The following ZNF75D variants were observed in gnomAD, a reference collection of about 807,000 sequenced individuals.
ZNF75D encodes zinc finger protein 75.
Under a neutral mutation model 33.3 loss-of-function variants are expected in ZNF75D, and 33 were observed. The observed-to-expected ratio is 0.99, with a 90% confidence interval of 0.75 to 1.32. The LOEUF is 1.32. Ranked by LOEUF, ZNF75D falls within the 40% of genes most tolerant of loss-of-function variation. ZNF75D has a pLI of 0.00. For synonymous variants in ZNF75D, 113 were observed against 130.6 expected (o/e 0.87, Z 0.92); for missense variants, 338 against 367.5 (o/e 0.92, Z 0.66).
intron 6 of ZNF75D, among the ~76,000 whole-genome samples, chrX:135,290,714 G>A: frequency 8.9e-6 from 1 of 112,568 alleles, no homozygotes; most frequent in South Asian, 3.6e-4. Context: ...GTGGAATAAT[G>A]CCATTGATGT....
chrX:135,299,746 C>G (rs1442341702), intron 1 of ZNF75D, among the ~76,000 whole-genome samples: 2 of 112,351 alleles, frequency 1.8e-5, no homozygotes, highest in Non-Finnish European at 1.9e-5. Flanking sequence ...ATAATGTTAG[C>G]CCCTAATTTA....
chrX:135,322,527 G>T (rs181600356), intron 1 of ZNF75D, among the ~76,000 whole-genome samples: 17 of 112,161 alleles, frequency 1.5e-4, no homozygotes, highest in Admixed American at 3.8e-4. Context: ...TATTTATAGA[G>T]AGATAGATAG....
chrX:135,257,900 T>A (rs370328425), intron 1 of ZNF75D, among the ~76,000 whole-genome samples: 1 of 110,352 alleles, frequency 9.1e-6, no homozygotes, highest in Non-Finnish European at 1.9e-5. Context: ...CCATGCTGGT[T>A]TGCTGCACCC....
At chrX:135,313,208 A>G (rs1260023861) in intron 1 of ZNF75D, among the ~76,000 whole-genome samples, 1 of 111,604 alleles carries the variant, frequency 9.0e-6, no homozygotes, top group African/African-American at 3.3e-5. Context: ...TACTGCACAT[A>G]TGGATATCCA....
At chrX:135,260,122 C>G (rs781943194) in intron 1 of ZNF75D, among the ~76,000 whole-genome samples, 61 of 112,077 alleles carry the variant, frequency 5.4e-4, no homozygotes, top group African/African-American at 2.0e-3. Context: ...GTTGAACCAG[C>G]CTTGCATCCC....
At chrX:135,298,753 C>A (rs1303119532) in intron 1 of ZNF75D, among the ~76,000 whole-genome samples, 1 of 111,494 alleles carries the variant, frequency 9.0e-6, no homozygotes, top group Non-Finnish European at 1.9e-5. Context: ...TTGAACCATG[C>A]AGCTTTAACT....
intron 1 of ZNF75D, among the ~76,000 whole-genome samples, chrX:135,258,128 C>A (rs2083816381): frequency 9.7e-6 from 1 of 102,642 alleles, no homozygotes; most frequent in African/African-American, 3.3e-5. Flanking sequence ...CATGTCCCTA[C>A]AAAGGACATG....
rs1459496308 is a variant in ZNF75D, at chrX:135,324,021, ACACG to A, written c.-391+17743_-391+17746del. Among the ~76,000 whole-genome samples the A allele has an allele frequency of 4.5e-3, 491 of 108,727 alleles. 6 individuals carry two copies. Among genetic ancestry groups the A allele is most frequent in the African/African-American group, 0.016 (473 of 28,941 alleles). 94.4% of individuals were successfully genotyped at this position (108,727 alleles called of 115,157 possible). On this transcript the variant is annotated intron_variant, in intron 1 of 6. Coordinates refer to ENST00000370766, the MANE Select transcript of ZNF75D (RefSeq NM_007131.5). The stretch of plus-strand genomic sequence containing the variant: ...CACACACACACACACACACACACAC[ACACG>A]CACACCCAAAGAAGGTTTTTAAGAG...
intron 1 of ZNF75D, among the ~76,000 whole-genome samples, chrX:135,261,892 C>A (rs6638340): frequency 1.8e-5 from 2 of 111,881 alleles, no homozygotes; most frequent in African/African-American, 6.5e-5. Flanking sequence ...TTCATAGCAT[C>A]GATGGTCTTT....
intron 1 of ZNF75D, among the ~76,000 whole-genome samples, chrX:135,259,085 G>C (rs1556415043): frequency 8.9e-6 from 1 of 111,814 alleles, no homozygotes; most frequent in East Asian, 2.8e-4. Flanking sequence ...TGTCAGGTTT[G>C]TCAAAGATCA....
At chrX:135,324,932 G>C in intron 1 of ZNF75D, among the ~76,000 whole-genome samples, 1 of 111,072 alleles carries the variant, frequency 9.0e-6, no homozygotes, top group Non-Finnish European at 1.9e-5. Flanking sequence ...CCAAGGACCT[G>C]ACCATCGGCC....
intron 1 of ZNF75D, among the ~76,000 whole-genome samples, chrX:135,256,524 C>T (rs141480028): frequency 3.0e-4 from 34 of 111,864 alleles, no homozygotes; most frequent in African/African-American, 1.0e-3. Context: ...TGGGCAAAAG[C>T]GCTCTAGAGT....
intron 1 of ZNF75D, among the ~76,000 whole-genome samples, chrX:135,320,201 G>A (rs1040675586): frequency 4.6e-5 from 5 of 109,324 alleles, no homozygotes; most frequent in Non-Finnish European, 1.9e-5. Flanking sequence ...GCTGAGGCAG[G>A]AGAGCCACTT....
Position 135,313,130 on chromosome X carries a change from G to A in ZNF75D, c.-390-17091C>T, listed in dbSNP as rs182003675. Among the ~76,000 whole-genome samples the A allele has an allele frequency of 2.4e-4, 27 of 110,993 alleles. No homozygotes were observed. The East Asian group carries it at 7.4e-3, about 30-fold the overall frequency. On this transcript the variant is annotated intron_variant, in intron 1 of 6. Coordinates refer to ENST00000370766, the MANE Select transcript of ZNF75D (RefSeq NM_007131.5). ...TTCTTCTACTAGTTTAATAGTTTTGGGTCTTAAGTCTTTAATCCATCTTGA... is the reference window on the plus strand; with the variant it reads ...TTCTTCTACTAGTTTAATAGTTTTGAGTCTTAAGTCTTTAATCCATCTTGA...
chrX:135,317,416 G>C (rs1329994412), intron 1 of ZNF75D, among the ~76,000 whole-genome samples: 1 of 111,608 alleles, frequency 9.0e-6, no homozygotes, highest in Non-Finnish European at 1.9e-5. Context: ...TGGCACCATT[G>C]TTAGCAGGTC....
intron 1 of ZNF75D, among the ~76,000 whole-genome samples, chrX:135,329,148 C>T (rs2084619439): frequency 8.9e-6 from 1 of 112,356 alleles, no homozygotes; most frequent in Admixed American, 9.4e-5. Context: ...TCTTCTAGAC[C>T]TTGTTTTCTG....
At chrX:135,323,222 G>C in intron 1 of ZNF75D, among the ~76,000 whole-genome samples, 1 of 111,977 alleles carries the variant, frequency 8.9e-6, no homozygotes, top group Non-Finnish European at 1.9e-5. Flanking sequence ...ATAGTCTCAA[G>C]TTATTATTAT....
chrX:135,261,296 G>A (rs1556415460), intron 1 of ZNF75D, among the ~76,000 whole-genome samples: 1 of 112,494 alleles, frequency 8.9e-6, no homozygotes, highest in African/African-American at 3.2e-5. Context: ...GGAGAGTTCT[G>A]TAGATGGCTA....
intron 1 of ZNF75D, among the ~76,000 whole-genome samples, chrX:135,296,400 T>C (rs1315309786): frequency 1.8e-5 from 2 of 111,639 alleles, no homozygotes; most frequent in Non-Finnish European, 3.8e-5. Flanking sequence ...TGGCAGCCCA[T>C]TCTACCAGGA....
Sources: gnomAD v4.1 joint callset for allele counts (sites outside exome capture counted in the v4.1 genomes callset) on GRCh38, gnomAD v4.1.1 for gene constraint, MANE v1.5 for transcripts, NCBI Gene and HGNC (gene_info 2026-07-23, HGNC 2026-07-21) for gene names.